Variants in LDB2 observed in about 807,000 individuals in gnomAD.
LDB2 encodes the protein LIM domain-binding protein 2.
Under a neutral mutation model 44.3 loss-of-function variants are expected in LDB2, and 12 were observed. The observed-to-expected ratio is 0.27, with a 90% CI of 0.17 to 0.44. LDB2 has a LOEUF of 0.44. Among genes scored for constraint, LDB2 ranks in the 20% least tolerant of loss-of-function variants. The pLI, the probability that LDB2 is intolerant of heterozygous loss-of-function variation, is 1.00. For synonymous variants in LDB2, 164 were observed against 174.8 expected (o/e 0.94, Z 0.49); for missense variants, 344 against 473.5 (o/e 0.73, Z 2.54).
intron 1 of LDB2, among the ~76,000 whole-genome samples, chr4:16,774,630 G>A (rs1771494269): frequency 6.6e-6 from 1 of 152,140 alleles, no homozygotes. Context: ...TACAGGTGAA[G>A]AAAACCAAAG....
chr4:16,746,717 G>A (rs777909702), intron 2 of LDB2, among the ~76,000 whole-genome samples: 22 of 152,192 alleles, frequency 1.4e-4, no homozygotes, highest in Non-Finnish European at 2.8e-4. Context: ...AACCCAGGAG[G>A]CGGAGGTTGC....
intron 2 of LDB2, among the ~76,000 whole-genome samples, chr4:16,659,689 A>ATATATATATATATATATGTATG (rs1310756163): frequency 2.8e-5 from 4 of 140,590 alleles, no homozygotes; most frequent in Non-Finnish European, 4.6e-5. Flanking sequence ...ATATATATAT[A>ATATATATATATATATATGTATG]TATGTATGTA....
At chr4:16,803,125 G>C (rs929495122) in intron 1 of LDB2, among the ~76,000 whole-genome samples, 4 of 152,168 alleles carry the variant, frequency 2.6e-5, no homozygotes, top group Non-Finnish European at 5.9e-5. Flanking sequence ...ATTAAGGATG[G>C]CATAGCTTAT....
chr4:16,538,446 A>G (rs111972028), intron 5 of LDB2, among the ~76,000 whole-genome samples: 1,537 of 152,316 alleles, frequency 0.01, 39 homozygotes, highest in African/African-American at 0.035. Flanking sequence ...AAAACAAAAC[A>G]AAACACAATG....
At chr4:16,618,679 G>A (rs1207601129) in intron 2 of LDB2, among the ~76,000 whole-genome samples, 2 of 152,180 alleles carry the variant, frequency 1.3e-5, no homozygotes, top group African/African-American at 4.8e-5. Context: ...ATACTGGAAG[G>A]AGGTGCAGTG....
At chr4:16,775,016 G>A (rs978503026) in intron 1 of LDB2, among the ~76,000 whole-genome samples, 1 of 152,126 alleles carries the variant, frequency 6.6e-6, no homozygotes, top group African/African-American at 2.4e-5. Flanking sequence ...AAACACTATG[G>A]CAATGAGAGA....
At chr4:16,793,855 G>A (rs1404482886) in intron 1 of LDB2, among the ~76,000 whole-genome samples, 1 of 152,060 alleles carries the variant, frequency 6.6e-6, no homozygotes, top group African/African-American at 2.4e-5. Context: ...GAGACAGGCA[G>A]GCTCTATCCC....
chr4:16,627,189 C>T (rs567911071), intron 2 of LDB2, among the ~76,000 whole-genome samples: 5 of 152,150 alleles, frequency 3.3e-5, no homozygotes, highest in Admixed American at 6.5e-5. Flanking sequence ...TCAGTGTCAT[C>T]CCCACCCCAC....
intron 2 of LDB2, among the ~76,000 whole-genome samples, chr4:16,633,402 A>G (rs1186322765): frequency 6.6e-6 from 1 of 152,118 alleles, no homozygotes; most frequent in African/African-American, 2.4e-5. Context: ...AAACTTGCAC[A>G]TTGTGCACGT....
chr4:16,670,492 G>A (rs1237243219), intron 2 of LDB2, among the ~76,000 whole-genome samples: 2 of 152,194 alleles, frequency 1.3e-5, no homozygotes, highest in African/African-American at 2.4e-5. Context: ...TGGCCACAAA[G>A]TGATCTGTGA....
intron 1 of LDB2, among the ~76,000 whole-genome samples, chr4:16,828,519 C>G (rs1340456650): frequency 6.6e-6 from 1 of 152,190 alleles, no homozygotes; most frequent in Admixed American, 6.5e-5. Context: ...TGGAGGTACA[C>G]AGTCCATGAG....
rs892583495 is a variant in LDB2 at position 16,510,321 on chromosome 4, A to G, written c.740-1635T>C. Among the ~76,000 whole-genome samples the G allele has an allele frequency of 4.6e-5, 7 of 152,098 alleles. No individual in the cohort carries two copies. The East Asian group carries it at 1.3e-3, about 29-fold the overall frequency. The stretch of plus-strand genomic sequence containing the variant: ...CTCTTATGCTTAAAGATTTTCATCA[A>G]ATGGTCTATCATTTCCTTCCATCGA... On this transcript the variant is annotated intron_variant, in intron 6 of 7. Transcript: ENST00000304523.
At chr4:16,649,859 G>A (rs545704688) in intron 2 of LDB2, among the ~76,000 whole-genome samples, 28 of 152,142 alleles carry the variant, frequency 1.8e-4, no homozygotes, top group African/African-American at 6.3e-4. Flanking sequence ...AGAGCTACTC[G>A]AAACAGGGTT....
chr4:16,761,505 G>A (rs374424419), intron 1 of LDB2, among the ~76,000 whole-genome samples: 1 of 152,146 alleles, frequency 6.6e-6, no homozygotes, highest in Non-Finnish European at 1.5e-5. Flanking sequence ...ACATCATGGC[G>A]GAATTCAGTC....
intron 2 of LDB2, among the ~76,000 whole-genome samples, chr4:16,737,986 T>C (rs1422508571): frequency 6.6e-6 from 1 of 152,200 alleles, no homozygotes; most frequent in South Asian, 2.1e-4. Context: ...ACAGCTATTA[T>C]TGAGTTAATA....
In LDB2 at chr4:16,824,273, A is replaced by G. The variant is rs144049383; in HGVS notation, c.133-65013T>C. Among the ~76,000 whole-genome samples the G allele has an allele frequency of 2.6e-5, 4 of 152,348 alleles. No individual in the cohort carries two copies. The East Asian group carries it at 7.7e-4, about 29-fold the overall frequency. ...AATGTGCTTTCATACAAAGCAGAATAGTACAAGTTAAATATCACTAGCTTT... is the reference window on the plus strand; with the variant it reads ...AATGTGCTTTCATACAAAGCAGAATGGTACAAGTTAAATATCACTAGCTTT... On this transcript the variant is annotated intron_variant, in intron 1 of 7. Coordinates refer to ENST00000304523, the MANE Select transcript of LDB2 (RefSeq NM_001290.5).
chr4:16,587,990 G>A (rs1717605525), intron 4 of LDB2, among the ~76,000 whole-genome samples: 1 of 152,124 alleles, frequency 6.6e-6, no homozygotes, highest in South Asian at 2.1e-4. Context: ...TTAGGCTTAT[G>A]AAGTTTGATT....
chr4:16,646,463 C>T (rs530487797), intron 2 of LDB2, among the ~76,000 whole-genome samples: 8 of 152,278 alleles, frequency 5.3e-5, no homozygotes, highest in East Asian at 3.9e-4. Context: ...CTTTCCCATG[C>T]GTTCAACTTT....
At chr4:16,644,105 C>T (rs988339797) in intron 2 of LDB2, among the ~76,000 whole-genome samples, 6 of 152,186 alleles carry the variant, frequency 3.9e-5, no homozygotes, top group African/African-American at 1.4e-4. Flanking sequence ...AGAAACCCAT[C>T]CATTTGGAAT....
Sources: gnomAD v4.1 joint callset for allele counts (sites outside exome capture counted in the v4.1 genomes callset) on GRCh38, gnomAD v4.1.1 for gene constraint, MANE v1.5 for transcripts, NCBI Gene and HGNC (gene_info 2026-07-23, HGNC 2026-07-21) for gene names.